HNRNPH1: variants seen among roughly 807,000 people sequenced by gnomAD.
The protein encoded by HNRNPH1 is heterogeneous nuclear ribonucleoprotein H1.
Under a neutral mutation model 58.6 loss-of-function variants are expected in HNRNPH1, and 4 were observed. That is an observed-to-expected ratio of 0.07 (90% CI 0.03 to 0.16). The LOEUF is 0.16. Ranked by LOEUF, HNRNPH1 falls within the 10% of genes least tolerant of loss-of-function variation. The pLI is 1.00. For synonymous variants in HNRNPH1, 192 were observed against 189.2 expected (o/e 1.01, Z -0.12); for missense variants, 271 against 564.2 (o/e 0.48, Z 5.26).
At chr5:179,614,190 AAGG>A (rs1454140774) in exon 13 of HNRNPH1, 4 of 152,378 alleles carry the variant, frequency 2.6e-5, no homozygotes, top group African/African-American at 7.2e-5. Context: ...CAGTTTTTAA[AAGG>A]AGGATTTATT....
chr5:179,616,342 C>T, intron 10 of HNRNPH1, 124 bp from the exon 12 acceptor site: 1 of 771,798 alleles, frequency 1.3e-6, no homozygotes, highest in Non-Finnish European at 2.2e-6. Context: ...AACCCTCTGC[C>T]TCCTTCTGCC....
At chr5:179,624,244 C>A (rs1774102953) in exon 1 of HNRNPH1, 2 of 357,262 alleles carry the variant, frequency 5.6e-6, no homozygotes, top group African/African-American at 4.2e-5. Context: ...GGGCTGCGGA[C>A]GTCCCGCGCC....
At chr5:179,633,186 T>G (rs552318870) in intron 2 of HNRNPH1, among the ~76,000 whole-genome samples, 1 of 151,386 alleles carries the variant, frequency 6.6e-6, no homozygotes, top group African/African-American at 2.4e-5. Flanking sequence ...GAGATGGGGT[T>G]TCACCATGTT....
chr5:179,617,681 C>G (rs373420676), intron 7 of HNRNPH1, 32 bp from the exon 9 acceptor site: 2 of 1,607,876 alleles, frequency 1.2e-6, no homozygotes, highest in African/African-American at 2.7e-5. Context: ...AGAATTCAAC[C>G]AACTTTCTAA....
At chr5:179,621,807 T>C (rs1772501616) in intron 1 of HNRNPH1, 1 of 380,338 alleles carries the variant, frequency 2.6e-6, no homozygotes, top group Non-Finnish European at 5.2e-6. Context: ...CATTACGGTT[T>C]CTCATTCAAA....
chr5:179,623,540 C>T (rs1320597244), exon 1 of HNRNPH1: 4 of 172,678 alleles, frequency 2.3e-5, no homozygotes. Flanking sequence ...GCCAAGGTCC[C>T]CGTGGCCCTC....
exon 13 of HNRNPH1, chr5:179,614,221 C>T (rs986923624): frequency 6.6e-6 from 1 of 152,292 alleles, no homozygotes; most frequent in East Asian, 1.9e-4. Flanking sequence ...TTTCACTTAG[C>T]GCAATATACC....
At chr5:179,617,389 C>A in intron 8 of HNRNPH1, 125 bp downstream of exon 9, 1 of 1,144,884 alleles carries the variant, frequency 8.7e-7, no homozygotes, top group Non-Finnish European at 1.3e-6. Flanking sequence ...CCCCCGCATC[C>A]CCCAAGAATT....
chr5:179,626,749 C>T (rs1581763646), upstream of HNRNPH1, among the ~76,000 whole-genome samples: 1 of 147,882 alleles, frequency 6.8e-6, no homozygotes, highest in South Asian at 2.1e-4. Flanking sequence ...CATCTTGCCT[C>T]AGTGGTCTTT....
rs1772770286 is a variant in HNRNPH1, at chr5:179,622,217, A to C, written c.97+820T>G. Among the ~76,000 whole-genome samples, 3 of 152,264 alleles carry C rather than the reference A, an allele frequency of 2.0e-5. 1 individual carries two copies. The South Asian group carries it at 6.2e-4, about 31-fold the overall frequency. On this transcript the variant is annotated intron_variant, in intron 1 of 12. Coordinates refer to ENST00000356731, the Ensembl canonical transcript of HNRNPH1. Reference sequence around the variant, plus strand: ...ATAAGAAAACACTCTTCAATTATCAAATCTTGATTAGGAAAACTGAAATTA... The same window carrying C: ...ATAAGAAAACACTCTTCAATTATCACATCTTGATTAGGAAAACTGAAATTA...
At chr5:179,625,535 G>A (rs1373421794), upstream of HNRNPH1, among the ~76,000 whole-genome samples, 1 of 147,656 alleles carries the variant, frequency 6.8e-6, no homozygotes, top group Non-Finnish European at 1.5e-5. Context: ...ATGCATGCCT[G>A]TAATCCCAAC....
In HNRNPH1 at chr5:179,623,223, G is replaced by C; in HGVS notation, c.-90C>G. The stretch of plus-strand genomic sequence containing the variant: ...CAATTAAGCTGTCCTTCGCCTCCGA[G>C]GCGCGCCCGGGCCCGCACCGCCCCC... On this transcript the variant is annotated 5_prime_UTR_variant, in exon 1 of 13. Coordinates refer to ENST00000356731, the Ensembl canonical transcript of HNRNPH1. The C allele has an allele frequency of 3.4e-6, 3 of 883,612 alleles. No individual in the cohort carries two copies. In the South Asian group the frequency reaches 4.2e-5, roughly 12 times the overall value. The allele number at this position is 883,612 out of a possible 1,614,324, so 54.7% of individuals were successfully genotyped here.
At chr5:179,621,510 CTA>C in intron 1 of HNRNPH1, 113 bp from the exon 3 acceptor site, 2 of 830,710 alleles carry the variant, frequency 2.4e-6, no homozygotes, top group South Asian at 3.4e-5. Context: ...CTTGTGAAGC[CTA>C]TATATACTGA....
At chr5:179,621,942 G>C (rs1248775670) in intron 1 of HNRNPH1, 1 of 456,182 alleles carries the variant, frequency 2.2e-6, no homozygotes, top group African/African-American at 2.0e-5. Flanking sequence ...AGCGTACTTG[G>C]TTCTTGTTTT....
chr5:179,619,398 A>G, exon 4 of HNRNPH1: 2 of 1,612,654 alleles, frequency 1.2e-6, no homozygotes, highest in Non-Finnish European at 8.5e-7. Context: ...ATTTGGCACG[A>G]TTTCCAACCC....
At chr5:179,621,599 T>A (rs1249559782) in intron 1 of HNRNPH1, 3 of 577,000 alleles carry the variant, frequency 5.2e-6, no homozygotes, top group Non-Finnish European at 9.2e-6. Flanking sequence ...TTCCAACCCA[T>A]CAACAACATA....
chr5:179,623,186 A>T, exon 1 of HNRNPH1: 1 of 1,362,652 alleles, frequency 7.3e-7, no homozygotes, highest in Non-Finnish European at 1.0e-6. Context: ...GGAGGACCAG[A>T]ACTGAGAGCG....
At chr5:179,623,147 G>T (rs200084047) in exon 1 of HNRNPH1, 1 of 1,589,246 alleles carries the variant, frequency 6.3e-7, no homozygotes, top group Admixed American at 1.7e-5. Context: ...CTCTTACGCG[G>T]TCCGGCGTCG....
intron 11 of HNRNPH1, 42 bp from the exon 13 acceptor site, chr5:179,615,637 CACCATTCTTTAG>C (rs1286145504): frequency 9.4e-7 from 1 of 1,061,024 alleles, no homozygotes. Context: ...ATACCAAAAT[CACCATTCTTTAG>C]ACCAATTGAA....
Sources: gnomAD v4.1 joint callset for allele counts (sites outside exome capture counted in the v4.1 genomes callset) on GRCh38, gnomAD v4.1.1 for gene constraint, MANE v1.5 for transcripts, NCBI Gene and HGNC (gene_info 2026-07-23, HGNC 2026-07-21) for gene names.